PARD6G: variants seen among roughly 807,000 people sequenced by gnomAD.
PARD6G encodes the protein partitioning defective 6 homolog gamma.
PARD6G carries 7 observed loss-of-function variants against 10.7 expected under a neutral mutation model. That is an observed-to-expected ratio of 0.66 (90% CI 0.37 to 1.23). The LOEUF is 1.23. Ranked by LOEUF, PARD6G falls within the 50% of genes most tolerant of loss-of-function variation. The pLI, the probability that PARD6G is intolerant of heterozygous loss-of-function variation, is 0.02. For synonymous variants in PARD6G, 287 were observed against 269.4 expected, an observed-to-expected ratio of 1.07 and a Z score of -0.64; for missense variants, 548 against 571.8, an observed-to-expected ratio of 0.96 and a Z score of 0.42.
chr18:80,239,267 G>C (rs909532689), intron 1 of PARD6G, among the ~76,000 whole-genome samples: 1 of 152,072 alleles, frequency 6.6e-6, no homozygotes, highest in Non-Finnish European at 1.5e-5. Context: ...AAGTGCTCTG[G>C]TCCAGCCACC....
At position 80,246,690 on chromosome 18, in the gene PARD6G, G is replaced by A. The variant is rs2145312147; in HGVS notation, c.72+587C>T. 6.6e-6 allele frequency among the ~76,000 whole-genome samples: 1 copy of A among 151,486 alleles called. No homozygotes were observed. The highest frequency in any genetic ancestry group is 2.4e-5 in the African/African-American group (1 of 41,292). ...CCCGGGGAGGCGTGGTCTGGGTCTGGGCCGGGGGAGAGCCGGGTGCGTGCT... is the reference window on the plus strand; with the variant it reads ...CCCGGGGAGGCGTGGTCTGGGTCTGAGCCGGGGGAGAGCCGGGTGCGTGCT... On this transcript the variant is annotated intron_variant, in intron 1 of 2. Coordinates refer to ENST00000353265, the MANE Select transcript of PARD6G (RefSeq NM_032510.4). The surrounding 1 kb of genome is among the most constrained non-coding windows in gnomAD (Gnocchi z 6.7).
intron 1 of PARD6G, among the ~76,000 whole-genome samples, chr18:80,220,258 T>C (rs917446717): frequency 6.6e-6 from 1 of 152,150 alleles, no homozygotes; most frequent in African/African-American, 2.4e-5. Context: ...AAAAACAGCA[T>C]AGAGGTAACT....
intron 2 of PARD6G, among the ~76,000 whole-genome samples, chr18:80,177,558 A>C (rs1289138423): frequency 6.6e-6 from 1 of 151,602 alleles, no homozygotes; most frequent in Non-Finnish European, 1.5e-5. Flanking sequence ...ACACAGGATA[A>C]ATCACAGCCC....
At position 80,159,954 on chromosome 18, in the gene PARD6G, C is replaced by A; in HGVS notation, c.948G>T (p.Pro316=). 1.3e-6 allele frequency: 2 copies of A among 1,498,770 alleles called. No individual in the cohort carries two copies. The highest frequency in any genetic ancestry group is 2.7e-5 in the South Asian group (2 of 74,626). 92.8% of individuals were successfully genotyped at this position (1,498,770 alleles called of 1,614,324 possible). ...TLEPARPPQT[P]GAPAGSLSRV... is the part of the protein sequence containing the mutation. Reference sequence around the variant, plus strand: ...GGGAGAGGCTGCCTGCGGGCGCGCCCGGGGTCTGGGGGGGACGTGCAGGCT... The same window carrying A: ...GGGAGAGGCTGCCTGCGGGCGCGCCAGGGGTCTGGGGGGGACGTGCAGGCT... Residue 316 remains proline (P), a synonymous_variant, in exon 3 of 3, where the codon CCG becomes CCT. Coordinates refer to ENST00000353265, the MANE Select transcript of PARD6G (RefSeq NM_032510.4).
chr18:80,222,251 A>T (rs914922372), intron 1 of PARD6G, among the ~76,000 whole-genome samples: 1 of 148,880 alleles, frequency 6.7e-6, no homozygotes, highest in Non-Finnish European at 1.5e-5. Flanking sequence ...CACCTGGCTA[A>T]TTTTTTTTTT....
chr18:80,223,694 T>C (rs751237167), intron 1 of PARD6G, among the ~76,000 whole-genome samples: 1 of 152,176 alleles, frequency 6.6e-6, no homozygotes, highest in Non-Finnish European at 1.5e-5. Flanking sequence ...GACCCAGAAA[T>C]TGAAGGCTAA....
chr18:80,190,605 G>A (rs1343591347), intron 2 of PARD6G, among the ~76,000 whole-genome samples: 2 of 152,150 alleles, frequency 1.3e-5, no homozygotes, highest in African/African-American at 2.4e-5. Context: ...TGATGGCCAC[G>A]TGGCTCTGAA....
intron 1 of PARD6G, among the ~76,000 whole-genome samples, chr18:80,241,228 C>T (rs1044613835): frequency 1.3e-5 from 2 of 152,166 alleles, no homozygotes; most frequent in African/African-American, 4.8e-5. Flanking sequence ...CTTATTGGAT[C>T]CTGAGAGGGG....
intron 1 of PARD6G, among the ~76,000 whole-genome samples, chr18:80,226,499 G>A (rs1599873528): frequency 3.9e-5 from 6 of 152,224 alleles, no homozygotes; most frequent in Non-Finnish European, 5.9e-5. Flanking sequence ...TTATGCATAC[G>A]AAAGCAAACA....
At chr18:80,195,930 G>A (rs904217443) in intron 2 of PARD6G, among the ~76,000 whole-genome samples, 4 of 150,078 alleles carry the variant, frequency 2.7e-5, no homozygotes, top group South Asian at 2.1e-4. Flanking sequence ...CAATTCAAAC[G>A]TTACTCTAGA....
chr18:80,175,305 T>C lies in PARD6G; in HGVS notation c.296-14699A>G, dbSNP rs1424909870. 2.0e-5 allele frequency among the ~76,000 whole-genome samples: 3 copies of C among 152,164 alleles called. No homozygotes were observed. Among genetic ancestry groups the C allele is most frequent in the Non-Finnish European group, 4.4e-5 (3 of 68,038 alleles). Reference sequence around the variant, plus strand: ...ATGGTGCAGCTTAAACTATGCACATTTATTTCTAACAGTTCTGGAGGCTGG... The same window carrying C: ...ATGGTGCAGCTTAAACTATGCACATCTATTTCTAACAGTTCTGGAGGCTGG... On this transcript the variant is annotated intron_variant, in intron 2 of 2. Transcript: ENST00000353265. The surrounding 1 kb of genome is among the most constrained non-coding windows in gnomAD (Gnocchi z 6.7).
chr18:80,167,816 G>A (rs2052746686), intron 2 of PARD6G, among the ~76,000 whole-genome samples: 1 of 152,234 alleles, frequency 6.6e-6, no homozygotes, highest in Admixed American at 6.5e-5. Flanking sequence ...TGAACCCCTG[G>A]GCCTGGGGTG....
chr18:80,191,714 C>T (rs1202964156), intron 2 of PARD6G, among the ~76,000 whole-genome samples: 2 of 152,158 alleles, frequency 1.3e-5, no homozygotes, highest in African/African-American at 4.8e-5. Context: ...TAAGTGGGAC[C>T]CTTGGACTTG....
intron 1 of PARD6G, among the ~76,000 whole-genome samples, chr18:80,218,992 C>T (rs371432762): frequency 6.6e-6 from 1 of 152,230 alleles, no homozygotes; most frequent in East Asian, 1.9e-4. Flanking sequence ...GCACCAAGTG[C>T]CAAGGCTGCA....
chr18:80,185,858 CCT>C (rs1269998591), intron 2 of PARD6G, among the ~76,000 whole-genome samples: 1 of 134,520 alleles, frequency 7.4e-6, no homozygotes, highest in Non-Finnish European at 1.6e-5. Context: ...ACACAGGCAC[CCT>C]CTCGCATATA....
chr18:80,226,246 C>T (rs928362954), intron 1 of PARD6G, among the ~76,000 whole-genome samples: 13 of 145,034 alleles, frequency 9.0e-5, no homozygotes, highest in Non-Finnish European at 1.5e-5. Context: ...TCTTGGCTCA[C>T]CGCAACCTCC....
At chr18:80,225,912 C>G (rs959277693) in intron 1 of PARD6G, among the ~76,000 whole-genome samples, 1 of 152,156 alleles carries the variant, frequency 6.6e-6, no homozygotes, top group Admixed American at 6.5e-5. Flanking sequence ...GAGGGCCCCA[C>G]ACACGGATGT....
intron 1 of PARD6G, among the ~76,000 whole-genome samples, chr18:80,207,680 T>A (rs951140307): frequency 6.6e-6 from 1 of 152,224 alleles, no homozygotes; most frequent in Non-Finnish European, 1.5e-5. Flanking sequence ...CACACTGTTA[T>A]GCACCCACTC....
chr18:80,191,470 A>G (rs1291690789), intron 2 of PARD6G, among the ~76,000 whole-genome samples: 2 of 152,204 alleles, frequency 1.3e-5, no homozygotes, highest in Non-Finnish European at 2.9e-5. Flanking sequence ...TGCCGACCAC[A>G]GCTCACCACC....
Sources: gnomAD v4.1 joint callset for allele counts (sites outside exome capture counted in the v4.1 genomes callset) on GRCh38, gnomAD v4.1.1 for gene constraint, Gnocchi (gnomAD v3.1) non-coding constraint, MANE v1.5 for transcripts, NCBI Gene and HGNC (gene_info 2026-07-23, HGNC 2026-07-21) for gene names.